The following DSTYK variants were observed in gnomAD, a reference collection of about 807,000 sequenced individuals.
DSTYK encodes RIP-homologous kinase.
DSTYK carries 34 observed loss-of-function variants against 98.7 expected under a neutral mutation model. That is an observed-to-expected ratio of 0.34 (90% CI 0.26 to 0.46). The LOEUF (loss-of-function observed/expected upper bound fraction) is 0.46. DSTYK is among the 20% of genes least tolerant of loss of function. The probability of loss-of-function intolerance (pLI) is 1.00; values close to 1 mark genes in which losing one functional copy is unlikely to be tolerated. For missense variants in DSTYK, 962 were observed against 1,181.7 expected (o/e 0.81, Z 2.73); for synonymous variants, 462 against 457.3 (o/e 1.01, Z -0.13).
intron 3 of DSTYK, among the ~76,000 whole-genome samples, chr1:205,167,920 G>C (rs1481525639): frequency 6.6e-6 from 1 of 152,162 alleles, no homozygotes; most frequent in Admixed American, 6.5e-5. Flanking sequence ...TGGCCAACAT[G>C]ATGAAACCCC....
rs912967145 is a variant in DSTYK, at chr1:205,142,975, A to T, written c.*4583T>A. The T allele has an allele frequency of 6.6e-6, 1 of 152,134 alleles. No homozygotes were observed. The highest frequency in any genetic ancestry group is 6.5e-5 in the Admixed American group (1 of 15,272). The allele number at this position is 152,134 out of a possible 1,614,324, so 9.4% of individuals were successfully genotyped here. A position where few individuals can be genotyped will look rare whatever the true frequency, so the allele number is the denominator to read the frequency against. ...ACCTCAATTGGACTGGATGTTAACAAAACAGATGAAGTTAAAAATGAAACC... is the reference window on the plus strand; with the variant it reads ...ACCTCAATTGGACTGGATGTTAACATAACAGATGAAGTTAAAAATGAAACC... On this transcript the variant is annotated 3_prime_UTR_variant, in exon 13 of 13. Coordinates refer to ENST00000367162, the MANE Select transcript of DSTYK (RefSeq NM_015375.3).
intron 10 of DSTYK, among the ~76,000 whole-genome samples, chr1:205,156,791 G>C (rs1657576728): frequency 6.6e-6 from 1 of 152,144 alleles, no homozygotes; most frequent in African/African-American, 2.4e-5. Context: ...GCCAGGGGCA[G>C]AATGATATGG....
chr1:205,171,786 T>C (rs1242553861), intron 2 of DSTYK, among the ~76,000 whole-genome samples: 1 of 152,230 alleles, frequency 6.6e-6, no homozygotes, highest in African/African-American at 2.4e-5. Context: ...CATAGAATTC[T>C]AGCATATTTT....
chr1:205,164,086 G>C (rs1657815525), intron 3 of DSTYK, 131 bp from the exon 4 acceptor site: 2 of 738,010 alleles, frequency 2.7e-6, no homozygotes, highest in Non-Finnish European at 4.5e-6. Flanking sequence ...ATGATTCGTT[G>C]ATGATGTCTA....
intron 10 of DSTYK, among the ~76,000 whole-genome samples, chr1:205,155,191 C>A (rs1392775489): frequency 6.6e-6 from 1 of 150,878 alleles, no homozygotes; most frequent in East Asian, 2.0e-4. Flanking sequence ...ACCATGTTGG[C>A]CAGGCTGGCC....
At chr1:205,160,338 C>A in intron 7 of DSTYK, 68 bp from the exon 8 acceptor site, 34 of 1,142,714 alleles carry the variant, frequency 3.0e-5, no homozygotes, top group Middle Eastern at 3.1e-4. Flanking sequence ...CTGTAAGATT[C>A]TTTTTTTTTT....
intron 2 of DSTYK, among the ~76,000 whole-genome samples, chr1:205,176,353 G>C (rs562431435): frequency 6.6e-6 from 1 of 152,026 alleles, no homozygotes; most frequent in South Asian, 2.1e-4. Context: ...GCGTATGCCT[G>C]TAATTCCAGC....
At chr1:205,173,639 A>G (rs532399290) in intron 2 of DSTYK, among the ~76,000 whole-genome samples, 1 of 152,196 alleles carries the variant, frequency 6.6e-6, no homozygotes, top group African/African-American at 2.4e-5. Context: ...ATAAATTTTC[A>G]GGTTTTCCTT....
chr1:205,177,407 A>G (rs1371059263), intron 2 of DSTYK, among the ~76,000 whole-genome samples: 1 of 151,938 alleles, frequency 6.6e-6, no homozygotes, highest in Non-Finnish European at 1.5e-5. Context: ...TTTACTTCCA[A>G]TTCTCCTCTC....
rs530052687 is a variant in DSTYK at position 205,180,299 on chromosome 1, C to T, written c.654+7119G>A. ...CCCCGACAGGCCCCCGTGTGTGATG[C>T]TCCCCGCCTTGTGTCCATGTGTTCT... On this transcript the variant is annotated intron_variant, in intron 2 of 12. Coordinates refer to ENST00000367162, the MANE Select transcript of DSTYK (RefSeq NM_015375.3). Among the ~76,000 whole-genome samples the T allele has an allele frequency of 1.3e-4, 19 of 141,944 alleles. 1 individual carries two copies. In the East Asian group the frequency reaches 4.1e-3, roughly 30 times the overall value. 93.1% of individuals were successfully genotyped at this position (141,944 alleles called of 152,430 possible).
intron 10 of DSTYK, among the ~76,000 whole-genome samples, chr1:205,152,378 C>T (rs868021069): frequency 2.0e-5 from 3 of 152,170 alleles, no homozygotes; most frequent in Admixed American, 6.5e-5. Flanking sequence ...GGTTTCTCCA[C>T]GTTGGTCAGG....
Position 205,163,833 on chromosome 1 carries a change from A to G in DSTYK, c.1447T>C (p.Ser483Pro), listed in dbSNP as rs761350525. Residue 483 changes from serine to proline, a missense_variant, in exon 4 of 13, where the codon TCA (serine) becomes CCA (proline). Coordinates refer to ENST00000367162, the MANE Select transcript of DSTYK (RefSeq NM_015375.3). ...AAGCTTTCCCTCAGGTAATCCACTG[A>G]GCTGATCAGCTTATTAGCCACTGCC... is the stretch of plus-strand genomic sequence containing the variant. ...NQAVANKLIS[S>P]VDYLRESFVG... 1 of 1,614,106 alleles carries G rather than the reference A, an allele frequency of 6.2e-7. No homozygotes were observed. Among genetic ancestry groups the G allele is most frequent in the Admixed American group, 1.7e-5 (1 of 60,010 alleles).
Position 205,169,873 on chromosome 1 carries a change from A to T in DSTYK, c.655-41T>A. 1 of 1,549,826 alleles carries T rather than the reference A, an allele frequency of 6.5e-7. No individual in the cohort carries two copies. On this transcript the variant is annotated intron_variant, in intron 2 of 12. Coordinates refer to ENST00000367162, the MANE Select transcript of DSTYK (RefSeq NM_015375.3). The surrounding 1 kb of genome is among the most constrained non-coding windows in gnomAD (Gnocchi z 4.0). ...GGTCATATATCAGCGCCTCAGGGTC[A>T]GAACCAATCCCTGTCTCCCCAAAGT...
intron 10 of DSTYK, among the ~76,000 whole-genome samples, chr1:205,153,703 T>TCTTC (rs397704033): frequency 6.7e-6 from 1 of 150,052 alleles, no homozygotes; most frequent in Non-Finnish European, 1.5e-5. Context: ...TAACTTACTT[T>TCTTC]TTGTGTGTGT....
rs150117486 is a variant in DSTYK at position 205,156,623 on chromosome 1, T to G, written c.2352+650A>C. ...ATGTAGAAAGTAACTAACTTGCTTT[T>G]GATTTTACAGGCTCACAGGCAGAAG... is the stretch of plus-strand genomic sequence containing the variant. On this transcript the variant is annotated intron_variant, in intron 10 of 12. Coordinates refer to ENST00000367162, the MANE Select transcript of DSTYK (RefSeq NM_015375.3). Among the ~76,000 whole-genome samples, 84 of 152,368 alleles carry G rather than the reference T, an allele frequency of 5.5e-4. 2 individuals carry two copies. The East Asian group carries it at 0.012, about 22-fold the overall frequency.
At chr1:205,210,007 T>A (rs1330213884) in intron 1 of DSTYK, among the ~76,000 whole-genome samples, 1 of 151,920 alleles carries the variant, frequency 6.6e-6, no homozygotes, top group Non-Finnish European at 1.5e-5. Flanking sequence ...TTCAAGCGAT[T>A]CTCCTGCCTC....
At chr1:205,198,850 T>C in intron 1 of DSTYK, among the ~76,000 whole-genome samples, 1 of 124,286 alleles carries the variant, frequency 8.0e-6, no homozygotes, top group African/African-American at 3.2e-5. Flanking sequence ...TTTTTTTTTT[T>C]GAGATGGAGC....
chr1:205,157,623 G>A (rs979243143), intron 9 of DSTYK, among the ~76,000 whole-genome samples: 3 of 152,144 alleles, frequency 2.0e-5, no homozygotes, highest in Admixed American at 6.6e-5. Flanking sequence ...TTAGCTGGAT[G>A]TGGTGGCAGG....
At chr1:205,151,691 TTC>T (rs3862950) in intron 10 of DSTYK, among the ~76,000 whole-genome samples, 26,052 of 92,812 alleles carry the variant, frequency 0.28, 2,911 homozygotes, top group East Asian at 0.51. Flanking sequence ...GTTATAGGCT[TTC>T]TTTTTTTTTT....
Sources: gnomAD v4.1 joint callset for allele counts (sites outside exome capture counted in the v4.1 genomes callset) on GRCh38, gnomAD v4.1.1 for gene constraint, Gnocchi (gnomAD v3.1) non-coding constraint, MANE v1.5 for transcripts, NCBI Gene and HGNC (gene_info 2026-07-23, HGNC 2026-07-21) for gene names.